EXTL3: variants seen among roughly 807,000 people sequenced by gnomAD.
EXTL3 encodes the protein exostosin-like 3.
A neutral mutation model predicts 69.3 loss-of-function variants in EXTL3; 27 were observed. The ratio of observed to expected loss-of-function variants is 0.39; its 90% CI spans 0.29 to 0.54. The LOEUF (loss-of-function observed/expected upper bound fraction) is 0.54, where lower values mean the gene tolerates loss of function less well. Ranked by LOEUF, EXTL3 falls within the 20% of genes least tolerant of loss-of-function variation. The pLI, the probability that EXTL3 is intolerant of heterozygous loss-of-function variation, is 0.69. For missense variants in EXTL3, 1,003 were observed against 1,231.8 expected, an observed-to-expected ratio of 0.81 and a Z score of 2.78; for synonymous variants, 511 against 499.4, an observed-to-expected ratio of 1.02 and a Z score of -0.31.
At chr8:28,730,753 C>T (rs944113604) in intron 3 of EXTL3, among the ~76,000 whole-genome samples, 4 of 151,866 alleles carry the variant, frequency 2.6e-5, no homozygotes, top group African/African-American at 4.8e-5. Context: ...ACCAGATGGG[C>T]TGTGCTCTTT....
At position 28,703,818 on chromosome 8, in the gene EXTL3, A is replaced by C. The variant is rs533476610; in HGVS notation, c.-570+2159A>C. Among the ~76,000 whole-genome samples the C allele has an allele frequency of 3.3e-5, 5 of 152,318 alleles. No homozygotes were observed. The East Asian group carries it at 9.6e-4, about 29-fold the overall frequency. On this transcript the variant is annotated intron_variant, in intron 1 of 6. Coordinates refer to ENST00000220562, the MANE Select transcript of EXTL3 (RefSeq NM_001440.4). ...CGCTGGTTATTAAGTTTAGCTCAGA[A>C]AACTTCTATTAACATATTTCTATTT...
At chr8:28,710,153 A>C (rs1213385015) in intron 1 of EXTL3, among the ~76,000 whole-genome samples, 2 of 152,160 alleles carry the variant, frequency 1.3e-5, no homozygotes, top group Admixed American at 1.3e-4. Context: ...ATCCTGTTCT[A>C]GTCATAGAAG....
upstream of EXTL3, among the ~76,000 whole-genome samples, chr8:28,619,193 T>G (rs999261923): frequency 1.5e-5 from 2 of 135,246 alleles, no homozygotes; most frequent in African/African-American, 5.4e-5. Context: ...AGACCATATG[T>G]CCTTCTCAAG....
chr8:28,748,687 C>T (rs949611264), intron 6 of EXTL3, among the ~76,000 whole-genome samples: 2 of 152,258 alleles, frequency 1.3e-5, no homozygotes, highest in East Asian at 1.9e-4. Context: ...CTACCCGTTG[C>T]CCCGGGGAGA....
At position 28,610,426 on chromosome 8, in the gene EXTL3, C is replaced by A. The variant is rs1477768555; in HGVS notation, n.314+2668C>A. ...CTGTAACACACCCAGGGATCTGTTT[C>A]ATTCCCCACCTGACCTAGTCCTGGC... is the stretch of plus-strand genomic sequence containing the variant. On this transcript the variant is annotated intron_variant and non_coding_transcript_variant, in intron 2 of 4. Transcript: ENST00000522725. Among the ~76,000 whole-genome samples, 3 of 152,154 alleles carry A rather than the reference C, an allele frequency of 2.0e-5. 1 individual carries two copies. The highest frequency in any genetic ancestry group is 7.2e-5 in the African/African-American group (3 of 41,442).
chr8:28,681,665 C>T (rs1450268200), intron 1 of EXTL3, among the ~76,000 whole-genome samples: 5 of 152,104 alleles, frequency 3.3e-5, no homozygotes, highest in South Asian at 4.1e-4. Context: ...ATACTACAGA[C>T]GTGCGATTGC....
At chr8:28,666,826 C>T (rs1276511895) in intron 1 of EXTL3, among the ~76,000 whole-genome samples, 6 of 152,188 alleles carry the variant, frequency 3.9e-5, no homozygotes, top group African/African-American at 4.8e-5. Context: ...CTGCCTGCCT[C>T]GGCCTCTCAG....
At chr8:28,688,254 G>A (rs1203183232) in intron 1 of EXTL3, among the ~76,000 whole-genome samples, 1 of 151,814 alleles carries the variant, frequency 6.6e-6, no homozygotes, top group Non-Finnish European at 1.5e-5. Context: ...TAGTAGAGAC[G>A]GGGTTTCACC....
intron 5 of EXTL3, among the ~76,000 whole-genome samples, chr8:28,739,402 T>G (rs1265072565): frequency 6.6e-6 from 1 of 152,066 alleles, no homozygotes; most frequent in Non-Finnish European, 1.5e-5. Context: ...TCTCAGCTCA[T>G]TTTAGCCTCC....
intron 3 of EXTL3, chr8:28,730,100 C>T (rs1009888812): frequency 1.3e-5 from 2 of 152,176 alleles, no homozygotes; most frequent in East Asian, 3.8e-4. Flanking sequence ...TGAACTGGAC[C>T]TCCAGGGGGA....
chr8:28,659,050 A>C (rs1457118694), intron 1 of EXTL3, among the ~76,000 whole-genome samples: 2 of 152,366 alleles, frequency 1.3e-5, no homozygotes, highest in African/African-American at 4.8e-5. Flanking sequence ...GTACGGCTGA[A>C]GGATAAATTC....
At chr8:28,668,323 A>ATTT (rs1807230476) in intron 1 of EXTL3, among the ~76,000 whole-genome samples, 3 of 117,622 alleles carry the variant, frequency 2.6e-5, no homozygotes, top group South Asian at 3.1e-4. Context: ...CAGAGTTGTT[A>ATTT]CTTTTTTTTT....
rs960281571 is a variant in EXTL3 at position 28,753,563 on chromosome 8, G to A, written c.*2697G>A. On this transcript the variant is annotated 3_prime_UTR_variant, in exon 7 of 7. Transcript: ENST00000220562. Reference sequence around the variant, plus strand: ...CGCCGGACAGAGTGGGGAGCTCCTAGTTTGTGGGGGGAAGCTTTGATATCC... The same window carrying A: ...CGCCGGACAGAGTGGGGAGCTCCTAATTTGTGGGGGGAAGCTTTGATATCC... 1 of 152,764 alleles carries A rather than the reference G, an allele frequency of 6.5e-6. No individual in the cohort carries two copies. Among genetic ancestry groups the A allele is most frequent in the Non-Finnish European group, 1.5e-5 (1 of 68,150 alleles). 9.5% of individuals were successfully genotyped at this position (152,764 alleles called of 1,614,324 possible). A position where few individuals can be genotyped will look rare whatever the true frequency, so the allele number is the denominator to read the frequency against.
intron 1 of EXTL3, among the ~76,000 whole-genome samples, chr8:28,655,372 G>C (rs1806991723): frequency 6.6e-6 from 1 of 152,152 alleles, no homozygotes; most frequent in Non-Finnish European, 1.5e-5. Context: ...ACTTTGCCAT[G>C]GTCATCCATA....
intron 2 of EXTL3, among the ~76,000 whole-genome samples, chr8:28,608,876 A>G (rs1206932362): frequency 6.6e-6 from 1 of 152,110 alleles, no homozygotes; most frequent in Non-Finnish European, 1.5e-5. Context: ...AAACAAAAAC[A>G]AAAACAAAAA....
At position 28,717,669 on chromosome 8, in the gene EXTL3, G is replaced by A. The variant is rs769181445; in HGVS notation, c.1610G>A (p.Arg537His). Residue 537 changes from arginine (R) to histidine (H), a missense_variant, in exon 3 of 7, where the codon CGC becomes CAC. Transcript: ENST00000220562. This position sits in a 1 kb window ranked among gnomAD's most constrained non-coding sequence, Gnocchi z 8.3. ...ACCGTGCTGGCTATGATTAGGACTC[G>A]CATCCAGATCCCAGCCGCTCCCATC... ...FNTVLAMIRT[R>H]IQIPAAPIRE... 2.2e-5 allele frequency: 35 copies of A among 1,614,024 alleles called. No homozygotes were observed. The highest frequency in any genetic ancestry group is 3.3e-5 in the South Asian group (3 of 91,090).
chr8:28,654,432 A>G (rs1444104171), intron 1 of EXTL3, among the ~76,000 whole-genome samples: 1 of 151,808 alleles, frequency 6.6e-6, no homozygotes, highest in African/African-American at 2.4e-5. Context: ...AGGCTGGAGT[A>G]CAGTGGCATC....
At chr8:28,710,024 A>C (rs775881544) in intron 1 of EXTL3, among the ~76,000 whole-genome samples, 6 of 152,216 alleles carry the variant, frequency 3.9e-5, no homozygotes, top group Non-Finnish European at 8.8e-5. Context: ...TGCATTTGTC[A>C]GCAAAAATGT....
chr8:28,733,534 C>T (rs1232427810), intron 4 of EXTL3, among the ~76,000 whole-genome samples: 1 of 151,160 alleles, frequency 6.6e-6, no homozygotes, highest in Non-Finnish European at 1.5e-5. Flanking sequence ...TACAGGCTCA[C>T]ATTACCACAC....
Sources: allele counts gnomAD v4.1 joint callset (sites outside exome capture counted in the v4.1 genomes callset), GRCh38; gene constraint gnomAD v4.1.1; non-coding constraint Gnocchi (gnomAD v3.1); transcripts MANE v1.5; gene names NCBI Gene and HGNC (gene_info 2026-07-23, HGNC 2026-07-21).